Variants in GPAM observed in about 807,000 individuals in gnomAD.
GPAM encodes the protein glycerol-3-phosphate acyltransferase, mitochondrial.
In GPAM, 56 loss-of-function variants were observed where a neutral mutation model predicts 105.0. The ratio of observed to expected loss-of-function variants is 0.53; its 90% CI spans 0.43 to 0.67. The LOEUF is 0.67. Ranked by LOEUF, GPAM falls within the 30% of genes least tolerant of loss-of-function variation. GPAM has a pLI of 0.00. For missense variants in GPAM, 855 were observed against 989.8 expected (o/e 0.86, Z 1.83); for synonymous variants, 368 against 354.4 (o/e 1.04, Z -0.43).
intron 11 of GPAM, 79 bp downstream of exon 11, chr10:112,168,233 C>T (rs1847251655): frequency 1.4e-5 from 12 of 885,678 alleles, no homozygotes; most frequent in Non-Finnish European, 2.3e-5. Context: ...ATTCTTAATT[C>T]TAAAAGCAAA....
intron 1 of GPAM, among the ~76,000 whole-genome samples, chr10:112,192,681 T>C (rs1017487657): frequency 3.9e-5 from 6 of 152,016 alleles, no homozygotes; most frequent in Middle Eastern, 3.2e-3. Flanking sequence ...GAGGAAGGAA[T>C]TGGGAACACA....
At chr10:112,184,102 A>C (rs911743920), upstream of GPAM, among the ~76,000 whole-genome samples, 2 of 152,084 alleles carry the variant, frequency 1.3e-5, no homozygotes, top group Non-Finnish European at 1.5e-5. Context: ...TTTTTATGAG[A>C]TCTGTAAGAC....
intron 12 of GPAM, among the ~76,000 whole-genome samples, chr10:112,165,940 A>T (rs772161468): frequency 3.3e-5 from 5 of 152,188 alleles, no homozygotes; most frequent in Non-Finnish European, 5.9e-5. Flanking sequence ...ATATCTATAT[A>T]CAATGTGTAA....
rs1846981983 is a variant in GPAM at position 112,154,635 on chromosome 10, A to C, written c.2364T>G (p.Asp788Glu). ...ATAAATGGTGGACACCTACCCCAAT[A>C]TCCTTAAACATTTTCACAGCATTCT... ...LVKNAVKMFK[D>E]IGVFKETKQK... Residue 788 changes from aspartate to glutamate, a missense_variant, in exon 21 of 22, where the codon GAT (aspartate) becomes GAG (glutamate). Asp to Glu is a conservative substitution (Grantham distance 45). Coordinates refer to ENST00000348367, the MANE Select transcript of GPAM (RefSeq NM_001244949.2). The C allele has an allele frequency of 1.3e-6, 2 of 1,599,554 alleles. No individual in the cohort carries two copies. Among genetic ancestry groups the C allele is most frequent in the South Asian group, 2.2e-5 (2 of 90,816 alleles).
intron 5 of GPAM, 41 bp from the exon 6 acceptor site, chr10:112,175,754 T>C (rs1847392299): frequency 1.7e-6 from 2 of 1,186,414 alleles, no homozygotes; most frequent in Non-Finnish European, 2.5e-6. Context: ...GAGGTACCCC[T>C]AAAACAAGTT....
In GPAM at chr10:112,163,554, T is replaced by C. The variant is rs533923149; in HGVS notation, c.1423+147A>G. 52 of 662,548 alleles carry C rather than the reference T, an allele frequency of 7.8e-5. 2 individuals are homozygous for C. In the South Asian group the frequency reaches 8.1e-4, roughly 10 times the overall value. The allele number at this position is 662,548 out of a possible 1,614,324, so 41.0% of individuals were successfully genotyped here. On this transcript the variant is annotated intron_variant, in intron 14 of 21. Coordinates refer to ENST00000348367, the MANE Select transcript of GPAM (RefSeq NM_001244949.2). ...CCAATTATCTCAAATCCTCACGGTA[T>C]CACCTTCTTTCTAATAACTTACCTA... is the stretch of plus-strand genomic sequence containing the variant.
Position 112,168,938 on chromosome 10 carries a change from T to G in GPAM, c.809A>C (p.Lys270Thr). ...NIPIFSTLIH[K>T]LGGFFIRRRL... ...TCGTCGTATGAAGAAGCCCCCAAGC[T>G]TATGGATCAAGGTACTATAAATTCA... is the stretch of plus-strand genomic sequence containing the variant. The change falls in exon 10 of 22, where the codon AAG becomes ACG. Residue 270 changes from lysine (K) to threonine (T), a missense_variant. Physicochemically the swap from Lys to Thr is moderately conservative, Grantham distance 78 (BLOSUM62 -1). Transcript: ENST00000348367. The G allele has an allele frequency of 6.3e-7, 1 of 1,598,372 alleles. No homozygotes were observed.
chr10:112,166,325 G>A (rs929449050), intron 12 of GPAM, 77 bp downstream of exon 12: 2 of 803,068 alleles, frequency 2.5e-6, no homozygotes, highest in Non-Finnish European at 4.5e-6. Context: ...ACAGAGAGGT[G>A]CTGTTAAGAG....
chr10:112,167,002 A>G (rs759005134), intron 11 of GPAM, among the ~76,000 whole-genome samples: 2 of 152,184 alleles, frequency 1.3e-5, no homozygotes, highest in Non-Finnish European at 2.9e-5. Flanking sequence ...CCTAGTATCT[A>G]TTACACATAA....
In GPAM at chr10:112,170,108, C is replaced by T. The variant is rs182741916; in HGVS notation, c.795-1156G>A. Among the ~76,000 whole-genome samples the T allele has an allele frequency of 3.4e-3, 520 of 152,196 alleles. 5 individuals carry two copies. The highest frequency in any genetic ancestry group is 0.012 in the African/African-American group (495 of 41,540). On this transcript the variant is annotated intron_variant, in intron 9 of 21. Coordinates refer to ENST00000348367, the MANE Select transcript of GPAM (RefSeq NM_001244949.2). ...AATAAATGTAACATGCTTGAATCAT[C>T]CCAAAACCATCCTCCCCACCCCCAT...
At chr10:112,209,243 G>GGTGTA (rs1416095140) in intron 1 of GPAM, among the ~76,000 whole-genome samples, 6 of 152,146 alleles carry the variant, frequency 3.9e-5, no homozygotes, top group African/African-American at 1.4e-4. Context: ...CAGGAATGAT[G>GGTGTA]GTGTAGTCAG....
intron 1 of GPAM, among the ~76,000 whole-genome samples, chr10:112,206,833 TAAAAAA>T (rs57906877): frequency 7.1e-6 from 1 of 140,204 alleles, no homozygotes; most frequent in Non-Finnish European, 1.6e-5. Flanking sequence ...AAAAAAAATT[TAAAAAA>T]AAAAAAAAAG....
intron 1 of GPAM, among the ~76,000 whole-genome samples, chr10:112,192,494 G>T (rs1476664025): frequency 1.3e-5 from 2 of 152,198 alleles, no homozygotes; most frequent in Non-Finnish European, 2.9e-5. Context: ...AAAGGGGAGA[G>T]CAGCTACACT....
intron 1 of GPAM, among the ~76,000 whole-genome samples, chr10:112,198,948 G>C (rs923138940): frequency 6.6e-6 from 1 of 151,770 alleles, no homozygotes; most frequent in Non-Finnish European, 1.5e-5. Flanking sequence ...TTTTGAGACG[G>C]AGTCTTGCTC....
At chr10:112,161,966 T>G (rs188093654) in intron 14 of GPAM, among the ~76,000 whole-genome samples, 151 of 152,288 alleles carry the variant, frequency 9.9e-4, no homozygotes, top group Non-Finnish European at 1.5e-4. Context: ...GTAAGACAGG[T>G]CCAACTTCAA....
chr10:112,187,174 TGGG>T (rs1207062995), upstream of GPAM, among the ~76,000 whole-genome samples: 1 of 152,070 alleles, frequency 6.6e-6, no homozygotes. Context: ...CAGTAAATGA[TGGG>T]GGAGAAAAGA....
chr10:112,224,571 A>G, the GPAM span, among the ~76,000 whole-genome samples: 2 of 152,098 alleles, frequency 1.3e-5, no homozygotes, highest in African/African-American at 4.8e-5. Flanking sequence ...GCCCATCATA[A>G]CTGGGAAACA....
chr10:112,159,784 T>G, intron 17 of GPAM, 127 bp downstream of exon 17: 1 of 930,566 alleles, frequency 1.1e-6, no homozygotes, highest in Non-Finnish European at 1.7e-6. Context: ...GTCACTGAAA[T>G]CCAGGAGTGG....
Position 112,153,568 on chromosome 10 carries a change from C to G in GPAM, c.2469G>C (p.Leu823=). Residue 823 remains leucine (L), a synonymous_variant, in exon 22 of 22, where the codon CTG becomes CTC. Coordinates refer to ENST00000348367, the MANE Select transcript of GPAM (RefSeq NM_001244949.2). ...CNRQKLLEYI[L]SFVVL The stretch of plus-strand genomic sequence containing the variant: ...ACGTTACCTACAGCACCACAAAACT[C>G]AGAATATATTCTAGAAGTTTTTGTC... 6.2e-7 allele frequency: 1 copy of G among 1,613,974 alleles called. No homozygotes were observed. The highest frequency in any genetic ancestry group is 8.5e-7 in the Non-Finnish European group (1 of 1,179,886).
Sources: allele counts gnomAD v4.1 joint callset (sites outside exome capture counted in the v4.1 genomes callset), GRCh38; gene constraint gnomAD v4.1.1; transcripts MANE v1.5; gene names NCBI Gene and HGNC (gene_info 2026-07-23, HGNC 2026-07-21).